The following CARMIL1 variants were observed in gnomAD, a reference collection of about 807,000 sequenced individuals.
CARMIL1 encodes the protein capping protein regulator and myosin 1 linker 1.
CARMIL1 carries 90 observed loss-of-function variants against 177.1 expected under a neutral mutation model. The ratio of observed to expected loss-of-function variants is 0.51; its 90% CI spans 0.43 to 0.61. CARMIL1 has a LOEUF of 0.61. CARMIL1 is among the 20% of genes least tolerant of loss of function. CARMIL1 has a pLI of 0.00. For missense variants in CARMIL1, 1,380 were observed against 1,667.0 expected (o/e 0.83, Z 3.00); for synonymous variants, 577 against 606.2 (o/e 0.95, Z 0.71).
chr6:25,562,537 GCACCCGGC>G (rs1478112209), intron 29 of CARMIL1, among the ~76,000 whole-genome samples: 9 of 152,122 alleles, frequency 5.9e-5, no homozygotes, highest in Non-Finnish European at 1.3e-4. Context: ...ATGAGCCACC[GCACCCGGC>G]CAGACATCTT....
chr6:25,376,613 G>C (rs1791010433), intron 2 of CARMIL1, among the ~76,000 whole-genome samples: 1 of 152,028 alleles, frequency 6.6e-6, no homozygotes, highest in Admixed American at 6.6e-5. Flanking sequence ...TAGTAGCATA[G>C]TGCTTGGTTT....
chr6:25,517,242 T>C, intron 21 of CARMIL1, 105 bp from the exon 22 acceptor site: 1 of 755,120 alleles, frequency 1.3e-6, no homozygotes, highest in South Asian at 1.6e-5. Flanking sequence ...ATAATGCAGC[T>C]GTACTGAAAT....
At chr6:25,442,491 T>C (rs1211366548) in intron 5 of CARMIL1, among the ~76,000 whole-genome samples, 3 of 151,876 alleles carry the variant, frequency 2.0e-5, no homozygotes, top group Admixed American at 6.6e-5. Flanking sequence ...TGTGTATGTG[T>C]GTGTGAGCTG....
intron 23 of CARMIL1, 29 bp from the exon 24 acceptor site, chr6:25,528,766 C>T: frequency 6.8e-7 from 1 of 1,476,102 alleles, no homozygotes; most frequent in Non-Finnish European, 9.3e-7. Context: ...GAAATGTATT[C>T]TTGAGGGATG....
intron 2 of CARMIL1, among the ~76,000 whole-genome samples, chr6:25,403,477 A>G (rs935922908): frequency 3.9e-5 from 6 of 152,190 alleles, no homozygotes; most frequent in Non-Finnish European, 7.3e-5. Flanking sequence ...ACAACAGCCA[A>G]TAAAGCCTCA....
intron 16 of CARMIL1, among the ~76,000 whole-genome samples, chr6:25,497,839 T>G (rs1803892749): frequency 6.6e-6 from 1 of 152,168 alleles, no homozygotes; most frequent in Non-Finnish European, 1.5e-5. Context: ...AGTGTTATGC[T>G]GGAGGTGGAA....
At chr6:25,524,458 T>C (rs984204839) in intron 23 of CARMIL1, among the ~76,000 whole-genome samples, 1 of 152,172 alleles carries the variant, frequency 6.6e-6, no homozygotes, top group Non-Finnish European at 1.5e-5. Context: ...CTCTGGCATA[T>C]ACAGCTACAA....
chr6:25,389,062 T>G (rs1792478671), intron 2 of CARMIL1: 1 of 152,270 alleles, frequency 6.6e-6, no homozygotes, highest in Non-Finnish European at 1.5e-5. Flanking sequence ...TGATGGGGAT[T>G]TCCTGCCTCC....
intron 2 of CARMIL1, among the ~76,000 whole-genome samples, chr6:25,414,757 A>G (rs976362314): frequency 1.3e-5 from 2 of 152,264 alleles, no homozygotes; most frequent in South Asian, 2.1e-4. Flanking sequence ...GATTTCCTCT[A>G]TTCCAACCCC....
At chr6:25,461,497 G>C (rs1800117792) in intron 8 of CARMIL1, among the ~76,000 whole-genome samples, 1 of 152,200 alleles carries the variant, frequency 6.6e-6, no homozygotes. Context: ...CCATGGGTGA[G>C]CTTTCCATGA....
intron 2 of CARMIL1, among the ~76,000 whole-genome samples, chr6:25,387,114 C>CAAAAA (rs377548646): frequency 0.086 from 8,690 of 101,346 alleles, 428 homozygotes; most frequent in African/African-American, 0.1. Context: ...ACTCTGTCTC[C>CAAAAA]AAAAAAAAAA....
chr6:25,395,629 A>G (rs1431715152), intron 2 of CARMIL1, among the ~76,000 whole-genome samples: 3 of 152,238 alleles, frequency 2.0e-5, no homozygotes, highest in Non-Finnish European at 4.4e-5. Context: ...TTTGTTATAC[A>G]TAAGTTACAT....
intron 9 of CARMIL1, among the ~76,000 whole-genome samples, chr6:25,469,960 C>A (rs1800958533): frequency 6.6e-6 from 1 of 152,034 alleles, no homozygotes; most frequent in South Asian, 2.1e-4. Flanking sequence ...AAAAAAATGC[C>A]CAATTCTACC....
At chr6:25,469,479 TATC>T (rs561336698) in intron 9 of CARMIL1, among the ~76,000 whole-genome samples, 4 of 152,334 alleles carry the variant, frequency 2.6e-5, no homozygotes, top group African/African-American at 9.6e-5. Context: ...TTTTTCTAAA[TATC>T]ATGAAGTATT....
rs968274206 is a variant in CARMIL1 at position 25,577,763 on chromosome 6, A to C, written c.2743-3161A>C. On this transcript the variant is annotated intron_variant, in intron 29 of 36. Coordinates refer to ENST00000329474, the MANE Select transcript of CARMIL1 (RefSeq NM_017640.6). The surrounding 1 kb of genome is among the most constrained non-coding windows in gnomAD (Gnocchi z 4.5). ...CTATGTGCAGAATAGTTTAAAATTC[A>C]TTAAAAAATTTGATCAAATGAGTAC... 4.1e-4 allele frequency among the ~76,000 whole-genome samples: 20 copies of C among 48,582 alleles called. No homozygotes were observed. The East Asian group carries it at 0.028, about 68-fold the overall frequency. 31.9% of individuals were successfully genotyped at this position (48,582 alleles called of 152,430 possible). A position where few individuals can be genotyped will look rare whatever the true frequency, so the allele number is the denominator to read the frequency against.
intron 32 of CARMIL1, among the ~76,000 whole-genome samples, chr6:25,597,670 C>T (rs1188630063): frequency 6.6e-6 from 1 of 152,134 alleles, no homozygotes; most frequent in African/African-American, 2.4e-5. Context: ...TGTCTGGGAT[C>T]TCCCTTCATC....
intron 2 of CARMIL1, among the ~76,000 whole-genome samples, chr6:25,288,499 G>A (rs2690135): frequency 6.8e-6 from 1 of 147,602 alleles, no homozygotes; most frequent in Non-Finnish European, 1.5e-5. Flanking sequence ...TTTTTTTTCC[G>A]TATGGAAAAA....
chr6:25,410,705 A>T (rs987408804), intron 2 of CARMIL1, among the ~76,000 whole-genome samples: 2 of 152,176 alleles, frequency 1.3e-5, no homozygotes, highest in African/African-American at 2.4e-5. Flanking sequence ...GGAACTCCTT[A>T]TTAGTCCCTG....
At chr6:25,618,692 G>A (rs1759488929) in intron 36 of CARMIL1, among the ~76,000 whole-genome samples, 1 of 152,162 alleles carries the variant, frequency 6.6e-6, no homozygotes, top group African/African-American at 2.4e-5. Context: ...ACATGACAGA[G>A]GCTCTGTTCC....
Sources: allele counts gnomAD v4.1 joint callset (sites outside exome capture counted in the v4.1 genomes callset), GRCh38; gene constraint gnomAD v4.1.1; non-coding constraint Gnocchi (gnomAD v3.1); transcripts MANE v1.5; gene names NCBI Gene and HGNC (gene_info 2026-07-23, HGNC 2026-07-21).